DPP10: variants seen among roughly 807,000 people sequenced by gnomAD.
DPP10 encodes the protein dipeptidyl peptidase like 10.
Under a neutral mutation model 120.9 loss-of-function variants are expected in DPP10, and 33 were observed. That is an observed-to-expected ratio of 0.27 (90% confidence interval 0.21 to 0.37). The LOEUF is 0.37. Among genes scored for constraint, DPP10 ranks in the 10% least tolerant of loss-of-function variants. The probability of loss-of-function intolerance (pLI) is 1.00; values close to 1 mark genes in which losing one functional copy is unlikely to be tolerated. For missense variants in DPP10, 816 were observed against 942.8 expected, an observed-to-expected ratio of 0.87 and a Z score of 1.76; for synonymous variants, 337 against 326.1, an observed-to-expected ratio of 1.03 and a Z score of -0.36.
intron 1 of DPP10, among the ~76,000 whole-genome samples, chr2:115,308,693 G>GTT (rs3068805): frequency 0.027 from 3,421 of 126,498 alleles, 167 homozygotes; most frequent in African/African-American, 0.092. Flanking sequence ...ACTAAATCCT[G>GTT]TTTTTTTTTT....
intron 3 of DPP10, among the ~76,000 whole-genome samples, chr2:115,465,739 T>G (rs973880317): frequency 6.6e-6 from 1 of 152,134 alleles, no homozygotes; most frequent in Non-Finnish European, 1.5e-5. Flanking sequence ...GGAGAATCAC[T>G]TGAACCCATA....
intron 1 of DPP10, among the ~76,000 whole-genome samples, chr2:114,639,996 A>G (rs1190042218): frequency 6.6e-6 from 1 of 151,924 alleles, no homozygotes; most frequent in East Asian, 1.9e-4. Flanking sequence ...TAAAGCAATT[A>G]TGGTAGAAAC....
chr2:115,807,325 G>C (rs192713735), intron 19 of DPP10, among the ~76,000 whole-genome samples: 3 of 152,212 alleles, frequency 2.0e-5, no homozygotes, highest in Admixed American at 2.0e-4. Flanking sequence ...ATTTTCATGT[G>C]CTGTCCAAGA....
intron 1 of DPP10, among the ~76,000 whole-genome samples, chr2:114,908,015 A>G (rs1270255229): frequency 6.6e-6 from 1 of 151,870 alleles, no homozygotes; most frequent in Non-Finnish European, 1.5e-5. Flanking sequence ...TAATTGTTAC[A>G]CCTTCCTGAT....
chr2:115,291,632 A>G (rs192698561), intron 1 of DPP10, among the ~76,000 whole-genome samples: 114 of 152,218 alleles, frequency 7.5e-4, no homozygotes, highest in East Asian at 7.8e-4. Flanking sequence ...TATTTGAATG[A>G]TGGATGTGTT....
chr2:115,654,307 T>C (rs1361687589), intron 5 of DPP10, among the ~76,000 whole-genome samples: 3 of 151,878 alleles, frequency 2.0e-5, no homozygotes, highest in Non-Finnish European at 4.4e-5. Flanking sequence ...GCCTTTGTCA[T>C]TTAAAAAATT....
chr2:115,655,427 C>G (rs1256209540), intron 5 of DPP10, among the ~76,000 whole-genome samples: 4 of 151,480 alleles, frequency 2.6e-5, no homozygotes, highest in African/African-American at 9.7e-5. Context: ...CTTTAGAAAA[C>G]TTTTTGCATC....
chr2:115,326,741 A>G (rs868261154), intron 2 of DPP10, among the ~76,000 whole-genome samples: 9 of 152,088 alleles, frequency 5.9e-5, no homozygotes, highest in Admixed American at 1.3e-4. Flanking sequence ...AAAATAGACA[A>G]AGGTTATGCA....
chr2:115,626,486 A>G (rs918742246), intron 5 of DPP10, among the ~76,000 whole-genome samples: 1 of 152,120 alleles, frequency 6.6e-6, no homozygotes, highest in Non-Finnish European at 1.5e-5. Flanking sequence ...CCCATGATTT[A>G]TACATGCTTA....
At chr2:115,415,494 A>G (rs2069308553) in intron 3 of DPP10, among the ~76,000 whole-genome samples, 1 of 152,114 alleles carries the variant, frequency 6.6e-6, no homozygotes, top group Non-Finnish European at 1.5e-5. Context: ...GAAAATGGGA[A>G]GTAACAAGGT....
chr2:114,901,631 C>T (rs1693582039), intron 1 of DPP10, among the ~76,000 whole-genome samples: 1 of 152,188 alleles, frequency 6.6e-6, no homozygotes, highest in South Asian at 2.1e-4. Flanking sequence ...TGAAGATTAA[C>T]AGCAGAAACA....
intron 3 of DPP10, among the ~76,000 whole-genome samples, chr2:115,498,875 G>A (rs1025869412): frequency 6.6e-6 from 1 of 151,882 alleles, no homozygotes; most frequent in Admixed American, 6.6e-5. Context: ...TGAAAGAAAT[G>A]CAATTATTTA....
At chr2:115,373,493 G>A (rs183995367) in intron 3 of DPP10, among the ~76,000 whole-genome samples, 83 of 84,980 alleles carry the variant, frequency 9.8e-4, no homozygotes, top group African/African-American at 3.0e-3. Flanking sequence ...ATAGGATGAA[G>A]GGGAAAGAAA....
chr2:114,514,186 TA>T (rs1342609267), intron 1 of DPP10, among the ~76,000 whole-genome samples: 2 of 152,204 alleles, frequency 1.3e-5, no homozygotes, highest in Non-Finnish European at 2.9e-5. Context: ...GGCTAGCTGA[TA>T]AAAAGCACTT....
chr2:114,978,485 G>A (rs1699887533), intron 1 of DPP10, among the ~76,000 whole-genome samples: 1 of 152,058 alleles, frequency 6.6e-6, no homozygotes, highest in Non-Finnish European at 1.5e-5. Flanking sequence ...AGTAGTTGGT[G>A]CAATATACTT....
At chr2:114,942,372 C>CATATATATATACATATATAT (rs1558904259) in intron 1 of DPP10, among the ~76,000 whole-genome samples, 2 of 57,418 alleles carry the variant, frequency 3.5e-5, no homozygotes, top group African/African-American at 1.3e-4. Flanking sequence ...CATATATATA[C>CATATATATATACATATATAT]ACACACATAT....
chr2:114,926,850 ATTTT>A (rs11450459), intron 1 of DPP10, among the ~76,000 whole-genome samples: 2 of 136,570 alleles, frequency 1.5e-5, no homozygotes, highest in Admixed American at 7.5e-5. Context: ...GGAAGATACA[ATTTT>A]TTTTTTTTTT....
intron 1 of DPP10, among the ~76,000 whole-genome samples, chr2:114,889,568 T>C (rs1050472621): frequency 3.3e-5 from 5 of 152,116 alleles, no homozygotes; most frequent in Non-Finnish European, 7.4e-5. Flanking sequence ...TTAAACATTC[T>C]ATATAATATT....
intron 1 of DPP10, among the ~76,000 whole-genome samples, chr2:114,525,462 C>A (rs1177906417): frequency 6.6e-6 from 1 of 152,168 alleles, no homozygotes; most frequent in African/African-American, 2.4e-5. Flanking sequence ...TTGGATGCTA[C>A]ATAAAAAGCA....
Sources: allele counts gnomAD v4.1 joint callset (sites outside exome capture counted in the v4.1 genomes callset), GRCh38; gene constraint gnomAD v4.1.1; transcripts MANE v1.5; gene names NCBI Gene and HGNC (gene_info 2026-07-23, HGNC 2026-07-21).